SHROOM4: variants seen among roughly 807,000 people sequenced by gnomAD.
SHROOM4 encodes protein Shroom4.
SHROOM4 carries 17 observed loss-of-function variants against 80.3 expected under a neutral mutation model. That is an observed-to-expected ratio of 0.21 (90% CI 0.14 to 0.32). The LOEUF (loss-of-function observed/expected upper bound fraction) is 0.32. Ranked by LOEUF, SHROOM4 falls within the 10% of genes least tolerant of loss-of-function variation. SHROOM4 has a pLI of 1.00. For missense variants in SHROOM4, 993 were observed against 1,140.3 expected (o/e 0.87, Z 1.86); for synonymous variants, 400 against 437.5 (o/e 0.91, Z 1.07).
Position 50,596,497 on chromosome X carries a change from G to T in SHROOM4, c.*198C>A. 1 of 556,970 alleles carries T rather than the reference G, an allele frequency of 1.8e-6. No individual in the cohort carries two copies. Among genetic ancestry groups the T allele is most frequent in the Non-Finnish European group, 3.1e-6 (1 of 327,639 alleles). 45.9% of individuals were successfully genotyped at this position (556,970 alleles called of 1,213,427 possible). ...TCACACCTTGCTGCAGCTCCCTTGGGTAGAAGCTTGTGGCTTCCCCAGGGT... is the reference window on the plus strand; with the variant it reads ...TCACACCTTGCTGCAGCTCCCTTGGTTAGAAGCTTGTGGCTTCCCCAGGGT... On this transcript the variant is annotated 3_prime_UTR_variant, in exon 9 of 9. Transcript: ENST00000376020.
intron 1 of SHROOM4, among the ~76,000 whole-genome samples, chrX:50,809,559 G>C (rs1936292253): frequency 8.9e-6 from 1 of 112,414 alleles, no homozygotes; most frequent in East Asian, 2.8e-4. Context: ...TCTGCAAATA[G>C]AGACTTGGGT....
intron 1 of SHROOM4, among the ~76,000 whole-genome samples, chrX:50,735,294 C>T (rs191794021): frequency 3.4e-4 from 38 of 111,996 alleles, no homozygotes; most frequent in Middle Eastern, 4.6e-3. Context: ...AAGACTTAAA[C>T]TGGATCCCTA....
chrX:50,779,129 G>A (rs1480988685), intron 1 of SHROOM4, among the ~76,000 whole-genome samples: 5 of 111,755 alleles, frequency 4.5e-5, no homozygotes, highest in African/African-American at 6.5e-5. Flanking sequence ...GACAGACTGC[G>A]TGCCTGAAAT....
At chrX:50,640,028 G>A (rs1160284999) in intron 2 of SHROOM4, among the ~76,000 whole-genome samples, 6 of 111,284 alleles carry the variant, frequency 5.4e-5, no homozygotes, top group Non-Finnish European at 1.1e-4. Context: ...GAAGGCACAA[G>A]GAGACCTTGG....
chrX:50,720,115 G>A (rs2079136268), intron 1 of SHROOM4, among the ~76,000 whole-genome samples: 2 of 111,409 alleles, frequency 1.8e-5, no homozygotes, highest in Non-Finnish European at 3.8e-5. Context: ...ATGTTTGCAG[G>A]AAGGGGTAAG....
chrX:50,660,578 TCCTC>T (rs1404123844), intron 2 of SHROOM4, among the ~76,000 whole-genome samples: 1 of 26,708 alleles, frequency 3.7e-5, no homozygotes, highest in Admixed American at 5.7e-4. Flanking sequence ...CTCCCTCCCT[TCCTC>T]CCTCCCTCCC....
chrX:50,622,495 T>G (rs975980854), intron 5 of SHROOM4, among the ~76,000 whole-genome samples: 8 of 112,467 alleles, frequency 7.1e-5, no homozygotes, highest in Non-Finnish European at 1.3e-4. Flanking sequence ...ATATTACAAT[T>G]TTTACATTCT....
At chrX:50,717,242 A>G (rs1358937034) in intron 1 of SHROOM4, among the ~76,000 whole-genome samples, 5 of 111,839 alleles carry the variant, frequency 4.5e-5, no homozygotes, top group Admixed American at 9.4e-5. Flanking sequence ...TGTTTGAGAC[A>G]GAGTCTTGCT....
intron 1 of SHROOM4, among the ~76,000 whole-genome samples, chrX:50,795,090 T>TG: frequency 1.8e-5 from 1 of 56,525 alleles, no homozygotes; most frequent in African/African-American, 8.4e-5. Context: ...ATATATATGA[T>TG]ATATATATAT....
chrX:50,789,173 A>T (rs1239633065), intron 1 of SHROOM4, among the ~76,000 whole-genome samples: 1 of 112,020 alleles, frequency 8.9e-6, no homozygotes, highest in East Asian at 2.8e-4. Context: ...CCTAACAGAA[A>T]CATAGAACAT....
chrX:50,621,009 A>G (rs961142971), intron 5 of SHROOM4, among the ~76,000 whole-genome samples: 7 of 111,494 alleles, frequency 6.3e-5, no homozygotes, highest in Non-Finnish European at 1.3e-4. Context: ...CAACTTTTAT[A>G]TATTTGAATC....
chrX:50,600,418 G>A (rs1331213557), intron 7 of SHROOM4, among the ~76,000 whole-genome samples: 1 of 111,062 alleles, frequency 9.0e-6, no homozygotes, highest in Non-Finnish European at 1.9e-5. Context: ...TATTATATAC[G>A]ACCTTGAGCA....
chrX:50,775,835 T>C (rs1011053511), intron 1 of SHROOM4, among the ~76,000 whole-genome samples: 41 of 112,022 alleles, frequency 3.7e-4, no homozygotes, highest in Non-Finnish European at 6.8e-4. Context: ...CAGTGGAAGG[T>C]GTGGTATGGC....
chrX:50,693,331 C>T (rs782430038), intron 2 of SHROOM4, among the ~76,000 whole-genome samples: 33 of 110,697 alleles, frequency 3.0e-4, no homozygotes, highest in Admixed American at 2.7e-3. Context: ...CTTTGGGAGG[C>T]TGCGGCAGGG....
Position 50,695,897 on chromosome X carries a change from C to A in SHROOM4, c.158G>T (p.Arg53Met). Residue 53 changes from arginine to methionine, a missense_variant, in exon 2 of 9, where the codon AGG becomes ATG. Physicochemically the swap from Arg to Met is moderately conservative, Grantham distance 91. Transcript: ENST00000376020. ...GATATTCACCAGCTCATCACCAGTCCTCATCTTCTGGGACAAAGCTGCCTT... is the reference window on the plus strand; with the variant it reads ...GATATTCACCAGCTCATCACCAGTCATCATCTTCTGGGACAAAGCTGCCTT... Reference protein sequence around the residue: ...GGKAALSQKMRTGDELVNING... With the variant: ...GGKAALSQKMMTGDELVNING... 7 of 1,211,875 alleles carry A rather than the reference C, an allele frequency of 5.8e-6. No homozygotes were observed. Among genetic ancestry groups the A allele is most frequent in the Non-Finnish European group, 7.8e-6 (7 of 895,476 alleles).
chrX:50,685,426 T>C (rs140528255), intron 2 of SHROOM4, among the ~76,000 whole-genome samples: 3,018 of 111,988 alleles, frequency 0.027, 100 homozygotes, highest in African/African-American at 0.092. Context: ...CAGTCTCCTA[T>C]ATCCAGGAGA....
chrX:50,626,636 T>C (rs1428312362), intron 5 of SHROOM4, among the ~76,000 whole-genome samples: 1 of 111,714 alleles, frequency 9.0e-6, no homozygotes, highest in Non-Finnish European at 1.9e-5. Context: ...GGTCCAACTA[T>C]TTATCTGTGT....
At chrX:50,625,210 T>C (rs1201814596) in intron 5 of SHROOM4, among the ~76,000 whole-genome samples, 2 of 112,054 alleles carry the variant, frequency 1.8e-5, no homozygotes, top group Non-Finnish European at 3.8e-5. Context: ...AAAGCTATAG[T>C]GACTCAAAAT....
chrX:50,702,144 A>G (rs1933533722), intron 1 of SHROOM4, among the ~76,000 whole-genome samples: 1 of 112,147 alleles, frequency 8.9e-6, no homozygotes, highest in Admixed American at 9.5e-5. Flanking sequence ...ATAATTCTTC[A>G]TTAGGGAAAT....
Sources: gnomAD v4.1 joint callset for allele counts (sites outside exome capture counted in the v4.1 genomes callset) on GRCh38, gnomAD v4.1.1 for gene constraint, MANE v1.5 for transcripts, NCBI Gene and HGNC (gene_info 2026-07-23, HGNC 2026-07-21) for gene names.